WRAP73: variants seen among roughly 807,000 people sequenced by gnomAD.
WRAP73 encodes WD repeat containing, antisense to TP73, also known as WD repeat-containing protein WRAP73.
In WRAP73, 55 loss-of-function variants were observed where a neutral mutation model predicts 59.6. The ratio of observed to expected loss-of-function variants is 0.92; its 90% confidence interval spans 0.74 to 1.15. The LOEUF (loss-of-function observed/expected upper bound fraction) is 1.15. Among genes scored for constraint, WRAP73 ranks in the 50% most tolerant of loss-of-function variants. WRAP73 has a pLI of 0.00. For missense variants in WRAP73, 592 were observed against 608.1 expected (o/e 0.97, Z 0.28); for synonymous variants, 265 against 258.2 (o/e 1.03, Z -0.25).
chr1:3,647,457 G>A lies in WRAP73; in HGVS notation c.173C>T (p.Ala58Val). Residue 58 changes from alanine to valine, a missense_variant, in exon 2 of 12, where the codon GCA becomes GTA. By Grantham distance (64) the Ala-to-Val change is moderately conservative (BLOSUM62 0). Coordinates refer to ENST00000270708, the MANE Select transcript of WRAP73 (RefSeq NM_017818.4). Reference protein sequence around the residue: ...LDQIQHIEWSADSLFILCAMY... With the variant: ...LDQIQHIEWSVDSLFILCAMY... The stretch of plus-strand genomic sequence containing the variant: ...GGCGCACAGGATGAAGAGCGAGTCT[G>A]CCGACCACTCGATGTGCTGGATCTG... 6.2e-7 allele frequency: 1 copy of A among 1,613,900 alleles called. No homozygotes were observed. Among genetic ancestry groups the A allele is most frequent in the East Asian group, 2.2e-5 (1 of 44,888 alleles).
At chr1:3,638,132 T>C (rs1644605133) in intron 4 of WRAP73, among the ~76,000 whole-genome samples, 1 of 152,226 alleles carries the variant, frequency 6.6e-6, no homozygotes, top group Admixed American at 6.5e-5. Flanking sequence ...TCCAACTGTG[T>C]ATGTTTCATT....
chr1:3,641,674 G>A (rs1644648004), intron 3 of WRAP73, among the ~76,000 whole-genome samples: 3 of 152,240 alleles, frequency 2.0e-5, no homozygotes, highest in African/African-American at 7.2e-5. Context: ...CGGCAATGAC[G>A]TGCAAAGTGA....
chr1:3,637,291 C>G (rs12078536), intron 4 of WRAP73, among the ~76,000 whole-genome samples, 193 bp from the exon 5 acceptor site: 8,817 of 152,268 alleles, frequency 0.058, 834 homozygotes, highest in African/African-American at 0.2. Context: ...AGGCACGGTG[C>G]CTTCACCCTC....
In WRAP73 at chr1:3,646,441, T is replaced by C. The variant is rs763515619; in HGVS notation, c.339+225A>G. On this transcript the variant is annotated intron_variant, in intron 3 of 11. Coordinates refer to ENST00000270708, the MANE Select transcript of WRAP73 (RefSeq NM_017818.4). The surrounding 1 kb of genome is among the most constrained non-coding windows in gnomAD (Gnocchi z 5.1). ...TGATTGTTGCTAATCTCTTACTGTA[T>C]CTAATTTATAAATTAAATGTATCAC... Among the ~76,000 whole-genome samples the C allele has an allele frequency of 2.0e-5, 3 of 152,220 alleles. No homozygotes were observed. Among genetic ancestry groups the C allele is most frequent in the Non-Finnish European group, 4.4e-5 (3 of 68,036 alleles).
chr1:3,639,978 T>C lies in WRAP73; in HGVS notation c.340-1156A>G, dbSNP rs376177988. ...TGCAAACGCTGCCAGGTTGTCAGTA[T>C]AGGATATTAACAAATGATTTAATTT... On this transcript the variant is annotated intron_variant, in intron 3 of 11. Transcript: ENST00000270708. This position sits in a 1 kb window ranked among gnomAD's most constrained non-coding sequence, Gnocchi z 4.3. 3.9e-5 allele frequency among the ~76,000 whole-genome samples: 6 copies of C among 152,212 alleles called. No individual in the cohort carries two copies. Among genetic ancestry groups the C allele is most frequent in the African/African-American group, 9.7e-5 (4 of 41,450 alleles).
At chr1:3,636,659 A>AT in intron 5 of WRAP73, 1 of 394,886 alleles carries the variant, frequency 2.5e-6, no homozygotes, top group South Asian at 2.0e-5. Context: ...GCCCTGCCTA[A>AT]TGCAGGCCCT....
Position 3,638,739 on chromosome 1 carries a change from G to C in WRAP73, c.412+11C>G. ...AAAGAAATGGCTTTTGCGTGGCTCC[G>C]ATCGACTCACCCTGCAGACAAGCTT... is the stretch of plus-strand genomic sequence containing the variant. On this transcript the variant is annotated intron_variant, in intron 4 of 11. Coordinates refer to ENST00000270708, the MANE Select transcript of WRAP73 (RefSeq NM_017818.4). 6.2e-7 allele frequency: 1 copy of C among 1,613,960 alleles called. No individual in the cohort carries two copies. Among genetic ancestry groups the C allele is most frequent in the Non-Finnish European group, 8.5e-7 (1 of 1,179,948 alleles).
chr1:3,633,964 T>TA (rs1644565824), intron 8 of WRAP73: 1 of 160,792 alleles, frequency 6.2e-6, no homozygotes, highest in Admixed American at 6.0e-5. Context: ...GGGCAGCCCC[T>TA]ACGCCCCTGA....
chr1:3,631,439 C>T (rs777135494), intron 11 of WRAP73, 27 bp downstream of exon 11: 37 of 1,562,394 alleles, frequency 2.4e-5, no homozygotes, highest in East Asian at 9.5e-5. Context: ...AAGGCTGCCA[C>T]GTCCGTGGCC....
At chr1:3,647,132 C>T (rs1367789318) in intron 2 of WRAP73, 10 of 450,120 alleles carry the variant, frequency 2.2e-5, no homozygotes, top group Non-Finnish European at 3.1e-5. Context: ...GAAGAAAACA[C>T]GACTTCTTAG....
At position 3,638,731 on chromosome 1, in the gene WRAP73, G is replaced by C. The variant is rs376291816; in HGVS notation, c.412+19C>G. ...ACAGCTGCAAAGAAATGGCTTTTGCGTGGCTCCGATCGACTCACCCTGCAG... is the reference window on the plus strand; with the variant it reads ...ACAGCTGCAAAGAAATGGCTTTTGCCTGGCTCCGATCGACTCACCCTGCAG... On this transcript the variant is annotated intron_variant, in intron 4 of 11. Coordinates refer to ENST00000270708, the MANE Select transcript of WRAP73 (RefSeq NM_017818.4). The C allele has an allele frequency of 6.2e-7, 1 of 1,613,460 alleles. No individual in the cohort carries two copies. Among genetic ancestry groups the C allele is most frequent in the African/African-American group, 1.3e-5 (1 of 74,896 alleles).
intron 3 of WRAP73, among the ~76,000 whole-genome samples, chr1:3,645,542 G>A (rs1249656796): frequency 1.3e-5 from 2 of 151,948 alleles, no homozygotes; most frequent in South Asian, 2.1e-4. Flanking sequence ...GCGGCGCAGC[G>A]GGATGGGCGG....
chr1:3,632,214 G>A lies in WRAP73; in HGVS notation c.1047C>T (p.Asn349=), dbSNP rs114947482. Residue 349 remains asparagine (N), a splice_region_variant and synonymous_variant, in exon 10 of 12, where the codon AAC becomes AAT. Coordinates refer to ENST00000270708, the MANE Select transcript of WRAP73 (RefSeq NM_017818.4). ...AGCACCTGCGTCAGCACAACTGACC[G>A]TTCCTTGTCGCCAGGAAGTAGCTGT... The part of the protein sequence containing the change: ...SPDSYFLATR[N]DNIPNAVWVW... 23 of 1,612,832 alleles carry A rather than the reference G, an allele frequency of 1.4e-5. No individual in the cohort carries two copies. The East Asian group carries it at 1.8e-4, about 13-fold the overall frequency.
intron 2 of WRAP73, 44 bp downstream of exon 2, chr1:3,647,364 C>T (rs1324640067): frequency 3.2e-6 from 5 of 1,556,682 alleles, no homozygotes; most frequent in Non-Finnish European, 4.3e-6. Context: ...TTCCCAGGGG[C>T]CCTCAGAAGG....
At chr1:3,649,892 G>A (rs770358783) in intron 1 of WRAP73, 39 bp downstream of exon 1, 4 of 1,570,424 alleles carry the variant, frequency 2.5e-6, no homozygotes, top group Non-Finnish European at 3.4e-6. Context: ...CGCTGGCACC[G>A]AGGATGTCCT....
chr1:3,638,625 G>A (rs1281057539), intron 4 of WRAP73, 125 bp downstream of exon 4: 1 of 975,406 alleles, frequency 1.0e-6, no homozygotes. Context: ...CTTTAAAAGA[G>A]CCCAAGGGGG....
intron 1 of WRAP73, among the ~76,000 whole-genome samples, chr1:3,648,470 C>T (rs1373651640): frequency 6.6e-6 from 1 of 152,162 alleles, no homozygotes; most frequent in South Asian, 2.1e-4. Flanking sequence ...CAAGGAGCTA[C>T]CACAGCACTT....
In WRAP73 at chr1:3,636,609, G is replaced by A. The variant is rs145713121; in HGVS notation, c.516+386C>T. Reference sequence around the variant, plus strand: ...CTGGAATCGTGTTCATATGTCTGCTGTGGGGGCAGTGCCCTCTGTGCCTGG... The same window carrying A: ...CTGGAATCGTGTTCATATGTCTGCTATGGGGGCAGTGCCCTCTGTGCCTGG... On this transcript the variant is annotated intron_variant, in intron 5 of 11. Transcript: ENST00000270708. 1,387 of 365,266 alleles carry A rather than the reference G, an allele frequency of 3.8e-3. 17 individuals carry two copies. Among genetic ancestry groups the A allele is most frequent in the African/African-American group, 0.027 (1,261 of 47,354 alleles). The allele number at this position is 365,266 out of a possible 1,614,324, so 22.6% of individuals were successfully genotyped here.
At chr1:3,632,158 T>C in intron 10 of WRAP73, 55 bp downstream of exon 10, 1 of 1,555,860 alleles carries the variant, frequency 6.4e-7, no homozygotes, top group Non-Finnish European at 8.7e-7. Flanking sequence ...CTTCTACACC[T>C]GGGGCCACAG....
Sources: allele counts gnomAD v4.1 joint callset (sites outside exome capture counted in the v4.1 genomes callset), GRCh38; gene constraint gnomAD v4.1.1; non-coding constraint Gnocchi (gnomAD v3.1); transcripts MANE v1.5; gene names NCBI Gene and HGNC (gene_info 2026-07-23, HGNC 2026-07-21).